NAALADL2: variants seen among roughly 807,000 people sequenced by gnomAD.
The protein encoded by NAALADL2 is N-acetylated alpha-linked acidic dipeptidase like 2.
In NAALADL2, 76 loss-of-function variants were observed where a neutral mutation model predicts 87.2. The ratio of observed to expected loss-of-function variants is 0.87; its 90% CI spans 0.72 to 1.05. NAALADL2 has a LOEUF of 1.05. NAALADL2 is among the 50% of genes least tolerant of loss of function. The pLI is 0.00. For missense variants in NAALADL2, 1,089 were observed against 945.8 expected (o/e 1.15, Z -1.99); for synonymous variants, 354 against 331.0 (o/e 1.07, Z -0.75).
intron 2 of NAALADL2, among the ~76,000 whole-genome samples, chr3:175,098,281 T>C (rs923845637): frequency 6.6e-6 from 1 of 152,176 alleles, no homozygotes; most frequent in African/African-American, 2.4e-5. Flanking sequence ...AAAGATATGC[T>C]GTTACCTTAT....
chr3:174,813,296 C>T (rs946418899), intron 3 of NAALADL2, among the ~76,000 whole-genome samples: 1 of 152,160 alleles, frequency 6.6e-6, no homozygotes, highest in African/African-American at 2.4e-5. Flanking sequence ...CAAAAAATCT[C>T]ATAATGTTTT....
chr3:174,474,159 A>G (rs1717073555), intron 1 of NAALADL2, among the ~76,000 whole-genome samples: 1 of 152,206 alleles, frequency 6.6e-6, no homozygotes, highest in Non-Finnish European at 1.5e-5. Flanking sequence ...AATATAAAAT[A>G]GCATCTCATC....
intron 5 of NAALADL2, among the ~76,000 whole-genome samples, chr3:175,415,140 A>G (rs903135282): frequency 2.0e-5 from 3 of 152,196 alleles, no homozygotes; most frequent in African/African-American, 7.2e-5. Flanking sequence ...TAAAATAAAA[A>G]GAAATAGCAT....
intron 5 of NAALADL2, among the ~76,000 whole-genome samples, chr3:175,380,902 A>T (rs186868771): frequency 2.0e-4 from 31 of 151,940 alleles, no homozygotes; most frequent in South Asian, 4.2e-4. Flanking sequence ...GTTTTTTTTT[A>T]AATTTTCAAC....
chr3:174,691,640 T>C (rs1728593717), intron 2 of NAALADL2, among the ~76,000 whole-genome samples: 1 of 152,142 alleles, frequency 6.6e-6, no homozygotes, highest in African/African-American at 2.4e-5. Context: ...CTCTTCCTTT[T>C]ACAAAAGATT....
At chr3:175,195,671 A>G (rs1410878634) in intron 2 of NAALADL2, among the ~76,000 whole-genome samples, 1 of 151,928 alleles carries the variant, frequency 6.6e-6, no homozygotes, top group Non-Finnish European at 1.5e-5. Context: ...TTAGGTCTAT[A>G]GGTCTGTGCT....
chr3:175,171,261 A>G (rs1346844514), intron 2 of NAALADL2, among the ~76,000 whole-genome samples: 4 of 152,052 alleles, frequency 2.6e-5, no homozygotes, highest in African/African-American at 9.7e-5. Context: ...GGACACTGAA[A>G]GACTAGGCAA....
At chr3:175,401,635 A>G (rs1031073947) in intron 5 of NAALADL2, among the ~76,000 whole-genome samples, 1 of 152,138 alleles carries the variant, frequency 6.6e-6, no homozygotes, top group Non-Finnish European at 1.5e-5. Flanking sequence ...TGTACTGAAC[A>G]TTACAGGAAA....
chr3:175,324,270 C>T lies in NAALADL2; in HGVS notation c.1035C>T (p.Phe345=), dbSNP rs983821275. 1.2e-6 allele frequency: 2 copies of T among 1,613,586 alleles called. No individual in the cohort carries two copies. Among genetic ancestry groups the T allele is most frequent in the African/African-American group, 2.7e-5 (2 of 74,884 alleles). ...PKTVNPSHDT[F]MVSLNPGGDP... is the part of the protein sequence containing the mutation. ...CTGTGAATCCTAGCCATGATACCTT[C>T]ATGGTGTCACTGAATCCAGGAGGAG... The change falls in exon 5 of 14, where the codon TTC becomes TTT. Residue 345 remains phenylalanine, a synonymous_variant. Coordinates refer to ENST00000454872, the MANE Select transcript of NAALADL2 (RefSeq NM_207015.3).
chr3:174,825,755 C>A (rs1166885260), intron 3 of NAALADL2, among the ~76,000 whole-genome samples: 1 of 152,146 alleles, frequency 6.6e-6, no homozygotes, highest in East Asian at 1.9e-4. Context: ...GGGCCAGGCA[C>A]AGTGGCTCAC....
intron 11 of NAALADL2, among the ~76,000 whole-genome samples, chr3:175,700,162 A>C (rs1738787715): frequency 6.6e-6 from 1 of 152,102 alleles, no homozygotes; most frequent in Non-Finnish European, 1.5e-5. Flanking sequence ...AATATTATAC[A>C]TTGGATTGTG....
At chr3:175,694,275 A>G (rs1252581362) in intron 11 of NAALADL2, among the ~76,000 whole-genome samples, 16 of 152,306 alleles carry the variant, frequency 1.1e-4, no homozygotes, top group African/African-American at 3.8e-4. Context: ...ATAACTGAAT[A>G]CAAAGGTTTA....
At position 175,808,496 on chromosome 3, in the gene NAALADL2, G is replaced by C. The variant is rs1335602801; in HGVS notation, c.*5293G>C. ...TCAGTCAAGACTTAACTCAGAGGCA[G>C]TTGATTCAGTGCTTACATCTAGACA... is the stretch of plus-strand genomic sequence containing the variant. On this transcript the variant is annotated 3_prime_UTR_variant, in exon 14 of 14. Coordinates refer to ENST00000454872, the MANE Select transcript of NAALADL2 (RefSeq NM_207015.3). The C allele has an allele frequency of 6.6e-6, 1 of 152,018 alleles. No individual in the cohort carries two copies. Among genetic ancestry groups the C allele is most frequent in the Non-Finnish European group, 1.5e-5 (1 of 67,952 alleles). The allele number at this position is 152,018 out of a possible 1,614,324, so 9.4% of individuals were successfully genotyped here.
chr3:174,480,108 A>C (rs1287843908), intron 1 of NAALADL2, among the ~76,000 whole-genome samples: 1 of 152,090 alleles, frequency 6.6e-6, no homozygotes, highest in Admixed American at 6.6e-5. Flanking sequence ...TTTAGGGTTT[A>C]TTGTTTCTTC....
intron 3 of NAALADL2, among the ~76,000 whole-genome samples, chr3:174,844,250 G>A (rs1193008391): frequency 1.3e-5 from 2 of 152,110 alleles, no homozygotes; most frequent in Non-Finnish European, 2.9e-5. Context: ...AAGAGACTGG[G>A]TTTTCCCCAA....
At chr3:175,579,502 C>T (rs1196941915) in intron 10 of NAALADL2, among the ~76,000 whole-genome samples, 1 of 152,138 alleles carries the variant, frequency 6.6e-6, no homozygotes, top group Non-Finnish European at 1.5e-5. Context: ...CTTTTCTTGG[C>T]CTCTATACTC....
intron 11 of NAALADL2, among the ~76,000 whole-genome samples, chr3:175,694,949 A>T (rs1036217576): frequency 6.6e-6 from 1 of 152,088 alleles, no homozygotes; most frequent in African/African-American, 2.4e-5. Flanking sequence ...TAAACACAAA[A>T]TTAGATTCAG....
At chr3:175,723,935 C>T (rs781661465) in intron 11 of NAALADL2, among the ~76,000 whole-genome samples, 3 of 152,024 alleles carry the variant, frequency 2.0e-5, no homozygotes, top group Non-Finnish European at 4.4e-5. Context: ...TGTTCTTGGT[C>T]CATTGCTGTT....
chr3:175,793,277 A>C (rs180951518), intron 13 of NAALADL2, among the ~76,000 whole-genome samples: 29 of 152,056 alleles, frequency 1.9e-4, no homozygotes, highest in African/African-American at 6.7e-4. Context: ...AGATTCAAAA[A>C]AAACTTTATA....
Sources: gnomAD v4.1 joint callset for allele counts (sites outside exome capture counted in the v4.1 genomes callset) on GRCh38, gnomAD v4.1.1 for gene constraint, MANE v1.5 for transcripts, NCBI Gene and HGNC (gene_info 2026-07-23, HGNC 2026-07-21) for gene names.